RPH3AL: variants seen among roughly 807,000 people sequenced by gnomAD.
The protein encoded by RPH3AL is rab effector Noc2.
Under a neutral mutation model 43.1 loss-of-function variants are expected in RPH3AL, and 38 were observed. The observed-to-expected ratio is 0.88, with a 90% CI of 0.68 to 1.15. The LOEUF (loss-of-function observed/expected upper bound fraction) is 1.15. Among genes scored for constraint, RPH3AL ranks in the 50% most tolerant of loss-of-function variants. The probability of loss-of-function intolerance (pLI) is 0.00; values close to 1 mark genes in which losing one functional copy is unlikely to be tolerated. For synonymous variants in RPH3AL, 189 were observed against 176.3 expected (o/e 1.07, Z -0.57); for missense variants, 462 against 423.2 (o/e 1.09, Z -0.81).
intron 6 of RPH3AL, among the ~76,000 whole-genome samples, chr17:250,810 C>T (rs375713735): frequency 4.6e-5 from 7 of 150,706 alleles, no homozygotes; most frequent in Non-Finnish European, 7.4e-5. Flanking sequence ...TCCATCACTG[C>T]GGGACCTCTC....
intron 7 of RPH3AL, among the ~76,000 whole-genome samples, chr17:230,072 C>A (rs558383736): frequency 3.3e-5 from 5 of 152,322 alleles, no homozygotes; most frequent in African/African-American, 1.2e-4. Context: ...CTTGGTCCCC[C>A]TTCCAGGCTG....
intron 7 of RPH3AL, among the ~76,000 whole-genome samples, chr17:234,772 T>C (rs1442781108): frequency 4.0e-5 from 6 of 151,822 alleles, no homozygotes; most frequent in Admixed American, 3.9e-4. Flanking sequence ...AAATCCAGAG[T>C]CTGCTAGCAA....
chr17:312,107 G>A (rs983912806), intron 5 of RPH3AL, among the ~76,000 whole-genome samples: 1 of 152,094 alleles, frequency 6.6e-6, no homozygotes, highest in Admixed American at 6.5e-5. Flanking sequence ...TTAGAGACCA[G>A]CCCGGGCAAC....
rs4130822 is a variant in RPH3AL at position 262,677 on chromosome 17, C to T, written c.439-15392G>A. Among the ~76,000 whole-genome samples the T allele has an allele frequency of 2.0e-4, 31 of 152,256 alleles. No homozygotes were observed. In the South Asian group the frequency reaches 2.7e-3, roughly 13 times the overall value. On this transcript the variant is annotated intron_variant, in intron 6 of 9. Transcript: ENST00000331302. ...TCCCCTGTGACCCAGCTCTTGCAGG[C>T]GTGCAAAAGTCAAGCGACAAACCAT...
intron 2 of RPH3AL, chr17:331,852 C>A: frequency 7.8e-7 from 1 of 1,289,118 alleles, no homozygotes; most frequent in Non-Finnish European, 1.0e-6. Context: ...ACACAGACTG[C>A]GCCCTTGTAC....
At chr17:273,008 AGGGCGACATCAGGAAGAGACCCCAGCG>A (rs2042533221) in intron 6 of RPH3AL, among the ~76,000 whole-genome samples, 5 of 116,132 alleles carry the variant, frequency 4.3e-5, no homozygotes, top group African/African-American at 1.4e-4. Flanking sequence ...GACCCCAGCG[AGGGCGACATCAGGAAGAGACCCCAGCG>A]AGGGCGACGT....
rs377026232 is a variant in RPH3AL at position 274,631 on chromosome 17, G to A, written c.438+7137C>T. On this transcript the variant is annotated intron_variant, in intron 6 of 9. Coordinates refer to ENST00000331302, the MANE Select transcript of RPH3AL (RefSeq NM_006987.4). The surrounding 1 kb of genome is among the most constrained non-coding windows in gnomAD (Gnocchi z 4.7). ...GCGGTCCCTCGTCCTCCCTGGTTCC[G>A]ACGGGCCAGGTCGCAGGAGAGTCAA... Among the ~76,000 whole-genome samples the A allele has an allele frequency of 1.4e-4, 22 of 152,160 alleles. No homozygotes were observed. The highest frequency in any genetic ancestry group is 5.8e-4 in the East Asian group (3 of 5,188).
intron 1 of RPH3AL, among the ~76,000 whole-genome samples, chr17:351,310 G>C (rs749578542): frequency 6.6e-6 from 1 of 151,752 alleles, no homozygotes; most frequent in African/African-American, 2.4e-5. Context: ...ACTCTTCAAG[G>C]ACTGTCAAGA....
chr17:286,284 C>T (rs994665863), intron 5 of RPH3AL, among the ~76,000 whole-genome samples: 12 of 152,166 alleles, frequency 7.9e-5, no homozygotes, highest in African/African-American at 2.9e-4. Context: ...GCTGGGCCCA[C>T]GAACCTCTGC....
intron 6 of RPH3AL, among the ~76,000 whole-genome samples, chr17:256,196 G>A (rs1433250533): frequency 1.2e-4 from 9 of 74,852 alleles, no homozygotes; most frequent in Middle Eastern, 7.0e-3. Context: ...GCTGCACGGC[G>A]TCTGTCCTTT....
At chr17:252,179 T>A (rs1188356752) in intron 6 of RPH3AL, among the ~76,000 whole-genome samples, 1 of 152,052 alleles carries the variant, frequency 6.6e-6, no homozygotes, top group African/African-American at 2.4e-5. Flanking sequence ...TTTACCATGT[T>A]ACTCAGGCTG....
chr17:271,118 G>T (rs181055983), intron 6 of RPH3AL, among the ~76,000 whole-genome samples: 2 of 152,264 alleles, frequency 1.3e-5, no homozygotes, highest in Admixed American at 1.3e-4. Flanking sequence ...GGCCTCTGTT[G>T]TGTTCCATTG....
chr17:327,074 C>G (rs2044637795), intron 3 of RPH3AL, among the ~76,000 whole-genome samples: 1 of 152,226 alleles, frequency 6.6e-6, no homozygotes, highest in African/African-American at 2.4e-5. Context: ...CAAAATCTCC[C>G]TGTCTTAAGG....
intron 2 of RPH3AL, among the ~76,000 whole-genome samples, chr17:327,967 A>G (rs2044657366): frequency 6.6e-6 from 1 of 152,154 alleles, no homozygotes; most frequent in African/African-American, 2.4e-5. Context: ...GTCACCCAGC[A>G]GGAGGGGCTG....
intron 5 of RPH3AL, among the ~76,000 whole-genome samples, chr17:310,299 A>T (rs111366098): frequency 0.042 from 6,330 of 152,116 alleles, 421 homozygotes; most frequent in African/African-American, 0.14. Context: ...TACGGAGGGG[A>T]CGCAGCTCCG....
chr17:244,666 GCAGACCC>G (rs1555538984), intron 7 of RPH3AL, among the ~76,000 whole-genome samples: 1 of 152,034 alleles, frequency 6.6e-6, no homozygotes, highest in Non-Finnish European at 1.5e-5. Context: ...GGACTTTCCA[GCAGACCC>G]CAATCCAGAG....
chr17:317,669 C>G (rs1489469457), intron 5 of RPH3AL, among the ~76,000 whole-genome samples: 3 of 152,236 alleles, frequency 2.0e-5, no homozygotes, highest in Non-Finnish European at 2.9e-5. Context: ...CTTCCTCAGC[C>G]CAGTTTTCCC....
intron 5 of RPH3AL, among the ~76,000 whole-genome samples, chr17:315,648 C>T (rs199588514): frequency 0.015 from 738 of 48,810 alleles, 8 homozygotes; most frequent in Middle Eastern, 0.037. Flanking sequence ...ACCTGTAGTC[C>T]CTGTGCTCCA....
Position 246,998 on chromosome 17 carries a change from T to G in RPH3AL, c.613+113A>C. Reference sequence around the variant, plus strand: ...CACAGGGAGGGACGCATCACCAGAATGAGCCTCGTGGATGGAGGGTGCGGG... The same window carrying G: ...CACAGGGAGGGACGCATCACCAGAAGGAGCCTCGTGGATGGAGGGTGCGGG... On this transcript the variant is annotated intron_variant, in intron 7 of 9. Coordinates refer to ENST00000331302, the MANE Select transcript of RPH3AL (RefSeq NM_006987.4). The surrounding 1 kb of genome is among the most constrained non-coding windows in gnomAD (Gnocchi z 4.8). 53 of 1,150,192 alleles carry G rather than the reference T, an allele frequency of 4.6e-5. No individual in the cohort carries two copies. The highest frequency in any genetic ancestry group is 5.9e-5 in the Non-Finnish European group (46 of 778,608). The allele number at this position is 1,150,192 out of a possible 1,614,324, so 71.2% of individuals were successfully genotyped here.
Sources: allele counts gnomAD v4.1 joint callset (sites outside exome capture counted in the v4.1 genomes callset), GRCh38; gene constraint gnomAD v4.1.1; non-coding constraint Gnocchi (gnomAD v3.1); transcripts MANE v1.5; gene names NCBI Gene and HGNC (gene_info 2026-07-23, HGNC 2026-07-21).